The following DERL2 variants were observed in gnomAD, a reference collection of about 807,000 sequenced individuals.
DERL2 encodes the protein derlin-2.
In DERL2, 13 loss-of-function variants were observed where a neutral mutation model predicts 32.0. That is an observed-to-expected ratio of 0.41 (90% CI 0.26 to 0.65). DERL2 has a LOEUF of 0.65. Ranked by LOEUF, DERL2 falls within the 30% of genes least tolerant of loss-of-function variation. The probability of loss-of-function intolerance (pLI) is 0.35; values close to 1 mark genes in which losing one functional copy is unlikely to be tolerated. For synonymous variants in DERL2, 111 were observed against 104.7 expected (o/e 1.06, Z -0.37); for missense variants, 208 against 296.3 (o/e 0.70, Z 2.19).
chr17:5,475,541 G>A (rs1198772981), intron 6 of DERL2, among the ~76,000 whole-genome samples: 2 of 152,182 alleles, frequency 1.3e-5, no homozygotes, highest in African/African-American at 4.8e-5. Flanking sequence ...TTACAGGCAT[G>A]AGCCACTGCA....
At chr17:5,482,999 G>A (rs1028918303) in intron 2 of DERL2, 117 bp from the exon 3 acceptor site, 1 of 557,996 alleles carries the variant, frequency 1.8e-6, no homozygotes, top group African/African-American at 2.0e-5. Flanking sequence ...GCCTTGGACA[G>A]AGTGATACTC....
rs1905205901 is a variant in DERL2 at position 5,473,347 on chromosome 17, G to C, written c.*1337C>G. ...AGACTCAGGGAAGACTTAATATTTA[G>C]GGGAAGTATTTATTGAACCACAGCA... On this transcript the variant is annotated 3_prime_UTR_variant, in exon 7 of 7. Transcript: ENST00000158771. 1 of 152,166 alleles carries C rather than the reference G, an allele frequency of 6.6e-6. No individual in the cohort carries two copies. Among genetic ancestry groups the C allele is most frequent in the African/African-American group, 2.4e-5 (1 of 41,428 alleles). 9.4% of individuals were successfully genotyped at this position (152,166 alleles called of 1,614,324 possible). A position where few individuals can be genotyped will look rare whatever the true frequency, so the allele number is the denominator to read the frequency against.
intron 6 of DERL2, among the ~76,000 whole-genome samples, chr17:5,475,395 G>T (rs1905317210): frequency 6.6e-6 from 1 of 151,872 alleles, no homozygotes; most frequent in South Asian, 2.1e-4. Context: ...GAGTAGCTGG[G>T]ATTACAGGCG....
chr17:5,474,417 T>G lies in DERL2; in HGVS notation c.*267A>C. On this transcript the variant is annotated 3_prime_UTR_variant, in exon 7 of 7. Transcript: ENST00000158771. This position sits in a 1 kb window ranked among gnomAD's most constrained non-coding sequence, Gnocchi z 4.3. ...TTATACCATAAAAATCAAGTACTCA[T>G]GTACTTGTTAGAGGTGGCAGGATAT... 2.9e-6 allele frequency: 1 copy of G among 344,566 alleles called. No homozygotes were observed. Among genetic ancestry groups the G allele is most frequent in the Non-Finnish European group, 5.3e-6 (1 of 190,140 alleles). 21.3% of individuals were successfully genotyped at this position (344,566 alleles called of 1,614,324 possible).
At position 5,474,717 on chromosome 17, in the gene DERL2, G is replaced by C. The variant is rs371213424; in HGVS notation, c.687C>G (p.Phe229Leu). The C allele has an allele frequency of 1.2e-6, 2 of 1,613,362 alleles. No homozygotes were observed. Among genetic ancestry groups the C allele is most frequent in the Admixed American group, 1.7e-5 (1 of 59,948 alleles). ...CAAGCCGCTGGCCCTCACCCCAGGC[G>C]AAGCCTCCTGGCCGTTCCTCAGGTA... ...NPLPEERPGG[F>L]AWGEGQRLGG Residue 229 changes from phenylalanine (F) to leucine (L), a missense_variant, in exon 7 of 7, where the codon TTC becomes TTG. By Grantham distance (22) the Phe-to-Leu change is conservative. Around this residue, in one of 3 missense-constraint regions of DERL2, gnomAD observed 40 missense variants for 38.7 expected, o/e 1.03. Transcript: ENST00000158771. This position sits in a 1 kb window ranked among gnomAD's most constrained non-coding sequence, Gnocchi z 4.3.
intron 6 of DERL2, among the ~76,000 whole-genome samples, chr17:5,477,133 G>C (rs1279728167): frequency 6.6e-6 from 1 of 152,206 alleles, no homozygotes; most frequent in Non-Finnish European, 1.5e-5. Flanking sequence ...ATGGAAAGGA[G>C]TGGTACATTC....
At position 5,481,353 on chromosome 17, in the gene DERL2, G is replaced by A. The variant is rs1597373634; in HGVS notation, c.270C>T (p.Phe90=). 6.2e-6 allele frequency: 10 copies of A among 1,613,994 alleles called. No homozygotes were observed. Among genetic ancestry groups the A allele is most frequent in the Non-Finnish European group, 8.5e-6 (10 of 1,179,976 alleles). ...RYCRMLEEGS[F]RGRTADFVFM... ...ATACAAAGTCTGCTGTCCGACCTCG[G>A]AAAGAGCCTTCTTCTAGCATTCGAC... Residue 90 remains phenylalanine, a synonymous_variant, in exon 4 of 7, where the codon TTC becomes TTT. Coordinates refer to ENST00000158771, the MANE Select transcript of DERL2 (RefSeq NM_016041.5). This position sits in a 1 kb window ranked among gnomAD's most constrained non-coding sequence, Gnocchi z 4.4.
At chr17:5,486,273 G>T (rs544450774), upstream of DERL2, 46 of 847,008 alleles carry the variant, frequency 5.4e-5, no homozygotes, top group East Asian at 1.3e-3. Context: ...GTTTTCCCGC[G>T]ACTGCCCAAT....
chr17:5,482,766 C>T (rs1159585079), intron 3 of DERL2, 43 bp downstream of exon 3: 1 of 1,142,990 alleles, frequency 8.7e-7, no homozygotes, highest in East Asian at 2.4e-5. Context: ...TTTTTACTTC[C>T]TAAGAAAAAG....
At position 5,480,499 on chromosome 17, in the gene DERL2, G is replaced by C. The variant is rs1905704528; in HGVS notation, c.411C>G (p.Pro137=). 2 of 1,610,536 alleles carry C rather than the reference G, an allele frequency of 1.2e-6. No individual in the cohort carries two copies. Among genetic ancestry groups the C allele is most frequent in the East Asian group, 4.5e-5 (2 of 44,790 alleles). ...GGCCGAAGAAGTTCATGCGGACATA[G>C]GGGTTCCTTCGGCTCCACACATAGA... ...MLVYVWSRRN[P]YVRMNFFGLL... The change falls in exon 5 of 7, where the codon CCC becomes CCG. Residue 137 remains proline, a synonymous_variant. Transcript: ENST00000158771.
Position 5,474,647 on chromosome 17 carries a change from T to C in DERL2, c.*37A>G. ...AAAGATCCCAGTGGGTATCACCGAG[T>C]CCTTCCCAGCTGGGTCTCATTATTG... On this transcript the variant is annotated 3_prime_UTR_variant, in exon 7 of 7. Coordinates refer to ENST00000158771, the MANE Select transcript of DERL2 (RefSeq NM_016041.5). This position sits in a 1 kb window ranked among gnomAD's most constrained non-coding sequence, Gnocchi z 4.3. 1 of 1,510,030 alleles carries C rather than the reference T, an allele frequency of 6.6e-7. No homozygotes were observed. The allele number at this position is 1,510,030 out of a possible 1,614,324, so 93.5% of individuals were successfully genotyped here.
At chr17:5,479,930 A>AG in intron 6 of DERL2, 124 bp downstream of exon 6, 1 of 622,558 alleles carries the variant, frequency 1.6e-6, no homozygotes, top group Non-Finnish European at 2.8e-6. Context: ...CAGAATGCTC[A>AG]ATCTGCAAAT....
At chr17:5,486,372 C>G, upstream of DERL2, 2 of 516,792 alleles carry the variant, frequency 3.9e-6, no homozygotes, top group Non-Finnish European at 7.0e-6. Context: ...CCCCAGCGCC[C>G]CATCTCCCCA....
Position 5,481,231 on chromosome 17 carries a change from T to A in DERL2, c.327+65A>T. The A allele has an allele frequency of 8.6e-7, 1 of 1,164,674 alleles. No homozygotes were observed. The allele number at this position is 1,164,674 out of a possible 1,614,324, so 72.1% of individuals were successfully genotyped here. A position where few individuals can be genotyped will look rare whatever the true frequency, so the allele number is the denominator to read the frequency against. ...GATCTAGAGAACTGTGGGAGACAGA[T>A]GACAAGCTTTAGGAAGAGCCAGGGT... On this transcript the variant is annotated intron_variant, in intron 4 of 6. Coordinates refer to ENST00000158771, the MANE Select transcript of DERL2 (RefSeq NM_016041.5). The surrounding 1 kb of genome is among the most constrained non-coding windows in gnomAD (Gnocchi z 4.4).
At chr17:5,480,316 T>G in intron 5 of DERL2, 71 bp downstream of exon 5, 1 of 1,482,432 alleles carries the variant, frequency 6.7e-7, no homozygotes, top group South Asian at 1.2e-5. Flanking sequence ...CCAAACAGAA[T>G]AAACATGAAA....
intron 6 of DERL2, among the ~76,000 whole-genome samples, chr17:5,476,718 T>G (rs1006507039): frequency 1.3e-5 from 2 of 152,028 alleles, no homozygotes; most frequent in Admixed American, 6.6e-5. Flanking sequence ...GAGGCGGAGG[T>G]TGCAGTGAGC....
In DERL2 at chr17:5,474,789, C is replaced by A. The variant is rs1338082637; in HGVS notation, c.615G>T (p.Leu205Phe). 1 of 1,611,784 alleles carries A rather than the reference C, an allele frequency of 6.2e-7. No homozygotes were observed. Among genetic ancestry groups the A allele is most frequent in the Non-Finnish European group, 8.5e-7 (1 of 1,178,652 alleles). ...GIRILKTPSI[L>F]KAIFDTPDED... ...CATCTGGTGTATCAAAAATAGCTTTCCTAAAAGACAAGCAACAGATATAAT... is the reference window on the plus strand; with the variant it reads ...CATCTGGTGTATCAAAAATAGCTTTACTAAAAGACAAGCAACAGATATAAT... The change falls in exon 7 of 7, where the codon TTG becomes TTT. Residue 205 changes from leucine to phenylalanine, a missense_variant and splice_region_variant. Physicochemically the swap from Leu to Phe is conservative, Grantham distance 22. This residue lies in a region of DERL2 where 124 missense variants were observed against 215.3 expected (regional missense o/e 0.58). Coordinates refer to ENST00000158771, the MANE Select transcript of DERL2 (RefSeq NM_016041.5). The surrounding 1 kb of genome is among the most constrained non-coding windows in gnomAD (Gnocchi z 4.3).
intron 6 of DERL2, among the ~76,000 whole-genome samples, chr17:5,479,096 A>G (rs912143518): frequency 6.6e-6 from 1 of 152,182 alleles, no homozygotes; most frequent in Non-Finnish European, 1.5e-5. Context: ...CTGGGATTAC[A>G]GGAATGTGTT....
At chr17:5,476,846 G>C (rs1905419355) in intron 6 of DERL2, among the ~76,000 whole-genome samples, 2 of 152,170 alleles carry the variant, frequency 1.3e-5, no homozygotes, top group African/African-American at 4.8e-5. Flanking sequence ...TTAGCAGGAT[G>C]GGGGTGGGGG....
Sources: allele counts gnomAD v4.1 joint callset (sites outside exome capture counted in the v4.1 genomes callset), GRCh38; gene constraint gnomAD v4.1.1; regional missense constraint gnomAD v4.1.1; non-coding constraint Gnocchi (gnomAD v3.1); transcripts MANE v1.5; gene names NCBI Gene and HGNC (gene_info 2026-07-23, HGNC 2026-07-21).